The following SBK2 variants were observed in gnomAD, a reference collection of about 807,000 sequenced individuals.
The protein encoded by SBK2 is serine/threonine-protein kinase SBK2.
In SBK2, 18 loss-of-function variants were observed where a neutral mutation model predicts 15.9. The ratio of observed to expected loss-of-function variants is 1.13; its 90% confidence interval spans 0.78 to 1.68. The LOEUF is 1.68. Among genes scored for constraint, SBK2 ranks in the 40% most tolerant of loss-of-function variants. The pLI, the probability that SBK2 is intolerant of heterozygous loss-of-function variation, is 0.00. For synonymous variants in SBK2, 284 were observed against 246.8 expected (o/e 1.15, Z -1.41); for missense variants, 581 against 510.9 (o/e 1.14, Z -1.32).
intron 2 of SBK2, among the ~76,000 whole-genome samples, chr19:55,535,172 G>A (rs978560226): frequency 6.6e-6 from 1 of 152,100 alleles, no homozygotes; most frequent in Non-Finnish European, 1.5e-5. Flanking sequence ...TTCAATTCTG[G>A]GTCCACTGCC....
At chr19:55,532,716 C>G (rs750166192) in intron 2 of SBK2, among the ~76,000 whole-genome samples, 2 of 151,854 alleles carry the variant, frequency 1.3e-5, no homozygotes, top group Non-Finnish European at 1.5e-5. Context: ...TTCTCCTGCC[C>G]AAGCTCCCTG....
At chr19:55,535,463 T>A (rs1017617316) in intron 2 of SBK2, among the ~76,000 whole-genome samples, 1 of 152,166 alleles carries the variant, frequency 6.6e-6, no homozygotes, top group Non-Finnish European at 1.5e-5. Flanking sequence ...CCCCAGCAAC[T>A]AGAGCAGTCC....
At position 55,528,679 on chromosome 19, in the gene SBK2, G is replaced by A. The variant is rs1180240918; in HGVS notation, c.*1054C>T. Reference sequence around the variant, plus strand: ...GAGAAGGCAAAACACATCACAGAGAGGGTGGTGCCAGGTGGGAGGGAGACC... The same window carrying A: ...GAGAAGGCAAAACACATCACAGAGAAGGTGGTGCCAGGTGGGAGGGAGACC... On this transcript the variant is annotated 3_prime_UTR_variant, in exon 4 of 4. Transcript: ENST00000413299. Among the ~76,000 whole-genome samples the A allele has an allele frequency of 5.3e-5, 8 of 152,198 alleles. No homozygotes were observed. Among genetic ancestry groups the A allele is most frequent in the Non-Finnish European group, 1.0e-4 (7 of 68,038 alleles).
rs370490497 is a variant in SBK2 at position 55,536,062 on chromosome 19, A to G, written c.233T>C (p.Leu78Pro). ...CGTACCTTTCTGACGATGGGTGACCAGAAGGACGCGGCCATAGCAACCCTG... is the reference window on the plus strand; with the variant it reads ...CGTACCTTTCTGACGATGGGTGACCGGAAGGACGCGGCCATAGCAACCCTG... ...LGQGCYGRVLLVTHRQKGTPL... is the reference protein window; with the variant it reads ...LGQGCYGRVLPVTHRQKGTPL... Residue 78 changes from leucine to proline, a missense_variant, in exon 2 of 4, where the codon CTG becomes CCG. Physicochemically the swap from Leu to Pro is moderately conservative, Grantham distance 98. Coordinates refer to ENST00000413299, the MANE Select transcript of SBK2 (RefSeq NM_001370096.2). The G allele has an allele frequency of 9.4e-6, 14 of 1,484,446 alleles. No homozygotes were observed. The highest frequency in any genetic ancestry group is 1.8e-4 in the Middle Eastern group (1 of 5,572). 92.0% of individuals were successfully genotyped at this position (1,484,446 alleles called of 1,614,324 possible).
At chr19:55,536,338 C>T in intron 1 of SBK2, 42 bp from the exon 2 acceptor site, 1 of 1,449,070 alleles carries the variant, frequency 6.9e-7, no homozygotes, top group South Asian at 1.5e-5. Flanking sequence ...GGTCCCAGGC[C>T]CAAGGGAGGA....
At chr19:55,534,397 A>G (rs1458119989) in intron 2 of SBK2, among the ~76,000 whole-genome samples, 1 of 152,132 alleles carries the variant, frequency 6.6e-6, no homozygotes, top group Non-Finnish European at 1.5e-5. Flanking sequence ...TCCAGCCTCC[A>G]AAGCTGTGAG....
At chr19:55,532,372 G>A (rs1712775) in intron 2 of SBK2, among the ~76,000 whole-genome samples, 66,630 of 144,262 alleles carry the variant, frequency 0.46, 16,698 homozygotes, top group Non-Finnish European at 0.58. Context: ...GCGTCATCTC[G>A]GCTCACTGCA....
intron 2 of SBK2, among the ~76,000 whole-genome samples, chr19:55,534,840 C>T (rs1321738188): frequency 1.3e-5 from 2 of 150,958 alleles, no homozygotes; most frequent in Non-Finnish European, 2.9e-5. Flanking sequence ...GCCTGGCTAA[C>T]ATGGTGAAAC....
At chr19:55,532,601 CT>C (rs10682612) in intron 2 of SBK2, among the ~76,000 whole-genome samples, 24,510 of 128,114 alleles carry the variant, frequency 0.19, 2,320 homozygotes, top group Admixed American at 0.25. Flanking sequence ...TACACCCGCC[CT>C]TTTTTTTTTT....
intron 3 of SBK2, among the ~76,000 whole-genome samples, chr19:55,530,540 GCCTAGTGTGACCTGTGAGGCC>G (rs1988229529): frequency 1.4e-4 from 4 of 29,306 alleles, no homozygotes; most frequent in South Asian, 5.0e-3. Flanking sequence ...GTTTAGTGGG[GCCTAGTGTGACCTGTGAGGCC>G]TGTGGGTTTA....
In SBK2 at chr19:55,530,053, C is replaced by A. The variant is rs567052244; in HGVS notation, c.727G>T (p.Ala243Ser). The A allele has an allele frequency of 2.7e-5, 39 of 1,466,792 alleles. No individual in the cohort carries two copies. The highest frequency in any genetic ancestry group is 2.7e-5 in the South Asian group (2 of 73,652). 90.9% of individuals were successfully genotyped at this position (1,466,792 alleles called of 1,614,324 possible). A position where few individuals can be genotyped will look rare whatever the true frequency, so the allele number is the denominator to read the frequency against. ...ACGCCCAGCGCCCAGGCGTCCAGGG[C>A]GGGCTGAATGGGCAGGCCCTCGGGG... Reference protein sequence around the residue: ...PLPEGLPIQPALDAWALGVLL... With the variant: ...PLPEGLPIQPSLDAWALGVLL... The change falls in exon 4 of 4, where the codon GCC (alanine) becomes TCC (serine). Residue 243 changes from alanine (A) to serine (S), a missense_variant. Ala to Ser is a moderately conservative substitution (Grantham distance 99, BLOSUM62 1). Coordinates refer to ENST00000413299, the MANE Select transcript of SBK2 (RefSeq NM_001370096.2).
Position 55,536,126 on chromosome 19 carries a change from C to T in SBK2, c.169G>A (p.Glu57Lys), listed in dbSNP as rs750164921. The change falls in exon 2 of 4, where the codon GAG (glutamate) becomes AAG (lysine). Residue 57 changes from glutamate (E) to lysine (K), a missense_variant. Coordinates refer to ENST00000413299, the MANE Select transcript of SBK2 (RefSeq NM_001370096.2). ...TLSAQTLVRA[E>K]VDELYEEVRP... ...ACTTCCTCGTAGAGCTCGTCCACCTCGGCTCGGACCAGGGTCTGAGCACTC... is the reference window on the plus strand; with the variant it reads ...ACTTCCTCGTAGAGCTCGTCCACCTTGGCTCGGACCAGGGTCTGAGCACTC... 5.9e-5 allele frequency: 93 copies of T among 1,563,340 alleles called. No individual in the cohort carries two copies. The highest frequency in any genetic ancestry group is 3.4e-4 in the Middle Eastern group (2 of 5,864).
rs1568491159 is a variant in SBK2, at chr19:55,530,480, GT to G, written c.457-158del. 2.6e-4 allele frequency among the ~76,000 whole-genome samples: 11 copies of G among 42,010 alleles called. 1 individual carries two copies. Among genetic ancestry groups the G allele is most frequent in the East Asian group, 1.0e-3 (2 of 1,978 alleles). 27.6% of individuals were successfully genotyped at this position (42,010 alleles called of 152,430 possible). A position where few individuals can be genotyped will look rare whatever the true frequency, so the allele number is the denominator to read the frequency against. ...GACCTGTGAGGCCTGCGGGTTTAGT[GT>G]GGCCTAGGGTGACCCCGTGAGGCCT... On this transcript the variant is annotated intron_variant, in intron 3 of 3. Transcript: ENST00000413299.
At chr19:55,532,404 G>A (rs1988292099) in intron 2 of SBK2, among the ~76,000 whole-genome samples, 1 of 149,696 alleles carries the variant, frequency 6.7e-6, no homozygotes, top group African/African-American at 2.5e-5. Flanking sequence ...CTGGGTTCAA[G>A]CGATTCTCCT....
Position 55,531,133 on chromosome 19 carries a change from G to C in SBK2, c.456+10C>G. On this transcript the variant is annotated intron_variant, in intron 3 of 3. Coordinates refer to ENST00000413299, the MANE Select transcript of SBK2 (RefSeq NM_001370096.2). Reference sequence around the variant, plus strand: ...GGCACTCGGAGGCGGCCTGGGGTCTGCCTACGCACCTTGGGCTGGATGAAG... The same window carrying C: ...GGCACTCGGAGGCGGCCTGGGGTCTCCCTACGCACCTTGGGCTGGATGAAG... 1.2e-6 allele frequency: 2 copies of C among 1,608,078 alleles called. No individual in the cohort carries two copies. The highest frequency in any genetic ancestry group is 3.3e-5 in the Admixed American group (2 of 59,998).
At chr19:55,535,602 C>T (rs1988377395) in intron 2 of SBK2, among the ~76,000 whole-genome samples, 1 of 152,204 alleles carries the variant, frequency 6.6e-6, no homozygotes, top group South Asian at 2.1e-4. Context: ...GGCACCGTGG[C>T]TCATGCCTGT....
rs112879731 is a variant in SBK2 at position 55,529,194 on chromosome 19, C to T, written c.*539G>A. 6.7e-6 allele frequency among the ~76,000 whole-genome samples: 1 copy of T among 148,560 alleles called. No homozygotes were observed. Among genetic ancestry groups the T allele is most frequent in the Non-Finnish European group, 1.5e-5 (1 of 67,268 alleles). On this transcript the variant is annotated 3_prime_UTR_variant, in exon 4 of 4. Coordinates refer to ENST00000413299, the MANE Select transcript of SBK2 (RefSeq NM_001370096.2). ...AGGATTGTTTGAGGCCAGGAGTTGA[C>T]ACCCACCTGGGCAACATAGCAAGAC...
Position 55,531,145 on chromosome 19 carries a change from T to G in SBK2, c.454A>C (p.Lys152Gln). 1.9e-6 allele frequency: 3 copies of G among 1,610,720 alleles called. No homozygotes were observed. Among genetic ancestry groups the G allele is most frequent in the Non-Finnish European group, 8.5e-7 (1 of 1,179,836 alleles). ...HGDLMAFIQPKVGLPQPAVHR... is the reference protein window; with the variant it reads ...HGDLMAFIQPQVGLPQPAVHR... ...CGGCCTGGGGTCTGCCTACGCACCT[T>G]GGGCTGGATGAAGGCCATGAGGTCC... is the stretch of plus-strand genomic sequence containing the variant. Residue 152 changes from lysine to glutamine, a missense_variant and splice_region_variant, in exon 3 of 4, where the codon AAG becomes CAG. Lys to Gln is a moderately conservative substitution (Grantham distance 53). Transcript: ENST00000413299.
chr19:55,535,939 T>C, intron 2 of SBK2, 103 bp downstream of exon 2: 2 of 1,142,534 alleles, frequency 1.8e-6, no homozygotes, highest in Non-Finnish European at 2.3e-6. Flanking sequence ...AGGGCAGAGG[T>C]AAGACTTGAT....
Sources: allele counts gnomAD v4.1 joint callset (sites outside exome capture counted in the v4.1 genomes callset), GRCh38; gene constraint gnomAD v4.1.1; transcripts MANE v1.5; gene names NCBI Gene and HGNC (gene_info 2026-07-23, HGNC 2026-07-21).